Variants in THADA observed in about 807,000 individuals in gnomAD.
THADA encodes THADA armadillo repeat containing.
Under a neutral mutation model 219.8 loss-of-function variants are expected in THADA, and 213 were observed. The ratio of observed to expected loss-of-function variants is 0.97; its 90% CI spans 0.87 to 1.09. The LOEUF (loss-of-function observed/expected upper bound fraction) is 1.09, where lower values mean the gene tolerates loss of function less well. Among genes scored for constraint, THADA ranks in the 50% least tolerant of loss-of-function variants. The probability of loss-of-function intolerance (pLI) is 0.00; values close to 1 mark genes in which losing one functional copy is unlikely to be tolerated. For missense variants in THADA, 2,956 were observed against 2,311.3 expected, an observed-to-expected ratio of 1.28 and a Z score of -5.72; for synonymous variants, 1,018 against 828.9, an observed-to-expected ratio of 1.23 and a Z score of -3.92.
At chr2:43,480,408 A>G (rs1420481233) in intron 26 of THADA, among the ~76,000 whole-genome samples, 2 of 152,232 alleles carry the variant, frequency 1.3e-5, no homozygotes, top group Admixed American at 1.3e-4. Flanking sequence ...CCCCTAGGGC[A>G]GAGAGTATTT....
At chr2:43,261,112 T>C (rs1199707855) in intron 36 of THADA, among the ~76,000 whole-genome samples, 2 of 152,142 alleles carry the variant, frequency 1.3e-5, no homozygotes, top group Non-Finnish European at 2.9e-5. Flanking sequence ...CTTCTCTTCC[T>C]GTCCATCTTC....
chr2:43,455,518 TCACA>T (rs35958795), intron 26 of THADA, among the ~76,000 whole-genome samples: 84 of 148,926 alleles, frequency 5.6e-4, no homozygotes, highest in East Asian at 9.9e-4. Flanking sequence ...TCTCTCTCTC[TCACA>T]CACACACACA....
intron 29 of THADA, among the ~76,000 whole-genome samples, chr2:43,381,979 C>T (rs1382619107): frequency 6.6e-6 from 1 of 152,032 alleles, no homozygotes; most frequent in African/African-American, 2.4e-5. Context: ...TCCCAAAAAC[C>T]CATAATCCTA....
chr2:43,406,430 T>C (rs1675542247), intron 28 of THADA, among the ~76,000 whole-genome samples: 3 of 152,264 alleles, frequency 2.0e-5, no homozygotes, highest in African/African-American at 4.8e-5. Flanking sequence ...ACATTTCATT[T>C]GAAATTTCAT....
intron 30 of THADA, among the ~76,000 whole-genome samples, chr2:43,323,821 A>C (rs991868308): frequency 7.2e-5 from 11 of 152,374 alleles, no homozygotes; most frequent in African/African-American, 2.6e-4. Flanking sequence ...GATGGGAAGA[A>C]TTTAGAGACA....
chr2:43,443,386 C>G (rs567228406), intron 26 of THADA, among the ~76,000 whole-genome samples: 3 of 152,180 alleles, frequency 2.0e-5, no homozygotes, highest in Non-Finnish European at 2.9e-5. Flanking sequence ...AGTACCCTGC[C>G]AGAGCTTGAA....
At chr2:43,390,344 T>C (rs1457801020) in intron 29 of THADA, among the ~76,000 whole-genome samples, 1 of 152,216 alleles carries the variant, frequency 6.6e-6, no homozygotes, top group Non-Finnish European at 1.5e-5. Context: ...CTGTTGGCAC[T>C]TTCCTATGGG....
chr2:43,431,409 T>C (rs1276772272), intron 26 of THADA, among the ~76,000 whole-genome samples: 2 of 152,168 alleles, frequency 1.3e-5, no homozygotes, highest in African/African-American at 4.8e-5. Context: ...TTGATTTCTA[T>C]CATTACAGTT....
intron 1 of THADA, among the ~76,000 whole-genome samples, chr2:43,593,141 T>C (rs918056471): frequency 2.6e-5 from 4 of 152,152 alleles, no homozygotes; most frequent in Admixed American, 6.6e-5. Flanking sequence ...GTAGTACATG[T>C]ATAAAATAAA....
At chr2:43,502,915 C>T (rs1466956118) in intron 24 of THADA, among the ~76,000 whole-genome samples, 1 of 152,032 alleles carries the variant, frequency 6.6e-6, no homozygotes, top group African/African-American at 2.4e-5. Context: ...TTAAAGTAAG[C>T]AAAGTCTTTC....
chr2:43,456,795 G>C (rs1481537680), intron 26 of THADA, among the ~76,000 whole-genome samples: 1 of 152,082 alleles, frequency 6.6e-6, no homozygotes, highest in East Asian at 1.9e-4. Flanking sequence ...GAAAGGAATA[G>C]AGAGGAAATT....
chr2:43,251,448 T>C (rs1669797705), intron 36 of THADA, among the ~76,000 whole-genome samples: 1 of 152,268 alleles, frequency 6.6e-6, no homozygotes, highest in South Asian at 2.1e-4. Context: ...GCTGGTGTCC[T>C]GTTTCCTCTC....
intron 21 of THADA, chr2:43,538,400 T>G (rs775256842): frequency 2.4e-4 from 37 of 152,176 alleles, no homozygotes; most frequent in Non-Finnish European, 4.9e-4. Flanking sequence ...CATTATGTGA[T>G]TACAGTGAAG....
chr2:43,272,494 G>A (rs1672241133), intron 36 of THADA, among the ~76,000 whole-genome samples: 1 of 152,142 alleles, frequency 6.6e-6, no homozygotes, highest in African/African-American at 2.4e-5. Context: ...GAATGAACAA[G>A]TGAATGATTG....
At chr2:43,248,618 A>G (rs1572765787) in intron 36 of THADA, among the ~76,000 whole-genome samples, 1 of 152,390 alleles carries the variant, frequency 6.6e-6, no homozygotes, top group Non-Finnish European at 1.5e-5. Flanking sequence ...TAATGTTCAT[A>G]TAATTCAGAT....
rs143939447 is a variant in THADA, at chr2:43,304,325, C to A, written c.4439-11112G>T. ...ACACACAACTTGTTCTATTTAGAAG[C>A]AGCAGTCAGTATCCATGAAGGCAGA... On this transcript the variant is annotated intron_variant, in intron 31 of 37. Coordinates refer to ENST00000405975, the MANE Select transcript of THADA (RefSeq NM_022065.5). 4.0e-3 allele frequency among the ~76,000 whole-genome samples: 614 copies of A among 152,302 alleles called. 7 individuals are homozygous for A. The highest frequency in any genetic ancestry group is 0.014 in the African/African-American group (570 of 41,560).
At chr2:43,543,668 G>C (rs1412693493) in intron 20 of THADA, among the ~76,000 whole-genome samples, 1 of 152,182 alleles carries the variant, frequency 6.6e-6, no homozygotes, top group Non-Finnish European at 1.5e-5. Flanking sequence ...CTGCATAAAT[G>C]TCTTCTTTTG....
At position 43,344,117 on chromosome 2, in the gene THADA, C is replaced by T; in HGVS notation, c.4343+5G>A. The T allele has an allele frequency of 6.3e-7, 1 of 1,598,322 alleles. No individual in the cohort carries two copies. The highest frequency in any genetic ancestry group is 8.5e-7 in the Non-Finnish European group (1 of 1,170,006). On this transcript the variant is annotated splice_donor_5th_base_variant and intron_variant, in intron 30 of 37. Coordinates refer to ENST00000405975, the MANE Select transcript of THADA (RefSeq NM_022065.5). ...ACTCCTTGCTCATGTGGGATTTTAA[C>T]ATACCTCTTGGCCAGCCAGAGTTTG...
rs1193544897 is a variant in THADA at position 43,245,486 on chromosome 2, A to G, written c.5297-12604T>C. On this transcript the variant is annotated intron_variant, in intron 36 of 37. Coordinates refer to ENST00000405975, the MANE Select transcript of THADA (RefSeq NM_022065.5). ...CCACGCCCAGCAACTTCTTTCTTTT[A>G]TAAGAAAGTAAGTCTTCTTGGCCTG... 3.3e-5 allele frequency among the ~76,000 whole-genome samples: 5 copies of G among 152,162 alleles called. No homozygotes were observed. In the East Asian group the frequency reaches 7.7e-4, roughly 23 times the overall value.
Sources: allele counts gnomAD v4.1 joint callset (sites outside exome capture counted in the v4.1 genomes callset), GRCh38; gene constraint gnomAD v4.1.1; transcripts MANE v1.5; gene names NCBI Gene and HGNC (gene_info 2026-07-23, HGNC 2026-07-21).